CSMD1: variants seen among roughly 807,000 people sequenced by gnomAD.
The protein encoded by CSMD1 is CUB and sushi domain-containing protein 1.
Under a neutral mutation model 417.5 loss-of-function variants are expected in CSMD1, and 213 were observed. The observed-to-expected ratio is 0.51, with a 90% CI of 0.46 to 0.57. The LOEUF (loss-of-function observed/expected upper bound fraction) is 0.57, where lower values mean the gene tolerates loss of function less well. Ranked by LOEUF, CSMD1 falls within the 20% of genes least tolerant of loss-of-function variation. CSMD1 has a pLI of 0.00. For missense variants in CSMD1, 6,923 were observed against 4,529.7 expected, an observed-to-expected ratio of 1.53 and a Z score of -15.17; for synonymous variants, 2,862 against 1,736.8, an observed-to-expected ratio of 1.65 and a Z score of -16.11.
intron 36 of CSMD1, among the ~76,000 whole-genome samples, chr8:3,185,192 T>C (rs1209041811): frequency 3.3e-5 from 5 of 152,230 alleles, no homozygotes; most frequent in Non-Finnish European, 1.5e-5. Context: ...AAGCATGAAG[T>C]GCACGAACTC....
rs529470803 is a variant in CSMD1, at chr8:3,273,209, G to A, written c.4153+10935C>T. ...GATAATCATGTGGTTTTTGTCTTTG[G>A]TTCTGTTTATATGCTGGATTACATT... On this transcript the variant is annotated intron_variant, in intron 26 of 69. Transcript: ENST00000635120. 2.7e-3 allele frequency among the ~76,000 whole-genome samples: 407 copies of A among 150,746 alleles called. 3 individuals are homozygous for A. Among genetic ancestry groups the A allele is most frequent in the African/African-American group, 9.6e-3 (392 of 40,766 alleles).
chr8:4,190,594 A>G (rs1584991200), intron 3 of CSMD1, among the ~76,000 whole-genome samples: 1 of 151,482 alleles, frequency 6.6e-6, no homozygotes, highest in East Asian at 1.9e-4. Context: ...CCATGTTTAT[A>G]ACGATGTGGA....
chr8:3,013,992 T>G (rs1383908779), intron 52 of CSMD1, among the ~76,000 whole-genome samples: 1 of 152,162 alleles, frequency 6.6e-6, no homozygotes, highest in African/African-American at 2.4e-5. Flanking sequence ...TCCCAAGTTC[T>G]CTGCCTCTAC....
In CSMD1 at chr8:4,352,931, G is replaced by C. The variant is rs1048959216; in HGVS notation, c.415+67022C>G. On this transcript the variant is annotated intron_variant, in intron 3 of 69. Coordinates refer to ENST00000635120, the MANE Select transcript of CSMD1 (RefSeq NM_033225.6). Reference sequence around the variant, plus strand: ...AAAGATTTAGGCAAAATATTTATAAGTAAATACGAGCTTGTAGGGCTAATT... The same window carrying C: ...AAAGATTTAGGCAAAATATTTATAACTAAATACGAGCTTGTAGGGCTAATT... 5.3e-5 allele frequency among the ~76,000 whole-genome samples: 8 copies of C among 152,182 alleles called. No homozygotes were observed. The East Asian group carries it at 1.5e-3, about 29-fold the overall frequency.
chr8:3,101,953 C>T (rs959286760), intron 46 of CSMD1, among the ~76,000 whole-genome samples: 73 of 151,992 alleles, frequency 4.8e-4, no homozygotes, highest in Middle Eastern at 3.2e-3. Context: ...AGATGTCTGC[C>T]ACCACATCTG....
intron 8 of CSMD1, among the ~76,000 whole-genome samples, chr8:3,587,121 C>G (rs1156557289): frequency 6.6e-6 from 1 of 152,212 alleles, no homozygotes; most frequent in East Asian, 1.9e-4. Context: ...GAAAGCAATC[C>G]ATCCAGCCTG....
intron 5 of CSMD1, among the ~76,000 whole-genome samples, chr8:3,786,668 C>T (rs1341248374): frequency 2.0e-5 from 3 of 152,166 alleles, no homozygotes; most frequent in African/African-American, 2.4e-5. Flanking sequence ...TAAAATACTA[C>T]AGACTTTGTG....
chr8:3,860,857 A>T (rs1415317593), intron 5 of CSMD1, among the ~76,000 whole-genome samples: 1 of 152,242 alleles, frequency 6.6e-6, no homozygotes, highest in Non-Finnish European at 1.5e-5. Flanking sequence ...TACAATCATG[A>T]AAAGATCCAA....
chr8:3,418,748 A>G (rs990727265), intron 12 of CSMD1, among the ~76,000 whole-genome samples: 1 of 152,168 alleles, frequency 6.6e-6, no homozygotes, highest in African/African-American at 2.4e-5. Flanking sequence ...CAAATTGGTG[A>G]TCATGCAGAC....
At chr8:4,060,709 G>C (rs1475485477) in intron 3 of CSMD1, among the ~76,000 whole-genome samples, 1 of 152,068 alleles carries the variant, frequency 6.6e-6, no homozygotes, top group Admixed American at 6.5e-5. Context: ...TCCTCCACAT[G>C]GGAATTTTAA....
At chr8:4,671,874 A>C (rs571093060) in intron 1 of CSMD1, among the ~76,000 whole-genome samples, 1 of 152,202 alleles carries the variant, frequency 6.6e-6, no homozygotes, top group South Asian at 2.1e-4. Context: ...TTATCTTAAA[A>C]ACGAGAAGAT....
chr8:3,799,301 G>A (rs920987547), intron 5 of CSMD1, among the ~76,000 whole-genome samples: 1 of 151,140 alleles, frequency 6.6e-6, no homozygotes, highest in African/African-American at 2.4e-5. Context: ...CAATGTGCAG[G>A]TTTGTTACAT....
chr8:4,619,822 T>C (rs1050972574), intron 2 of CSMD1, among the ~76,000 whole-genome samples: 1 of 152,098 alleles, frequency 6.6e-6, no homozygotes, highest in African/African-American at 2.4e-5. Context: ...GTTGAAATAA[T>C]ATGTTTTGTT....
At chr8:3,963,028 C>G (rs940513910) in intron 5 of CSMD1, among the ~76,000 whole-genome samples, 3 of 152,070 alleles carry the variant, frequency 2.0e-5, no homozygotes, top group Admixed American at 6.6e-5. Context: ...CCTCTGCCTC[C>G]GAGGTTCAAG....
At chr8:3,926,541 T>A (rs1211374404) in intron 5 of CSMD1, among the ~76,000 whole-genome samples, 1 of 151,922 alleles carries the variant, frequency 6.6e-6, no homozygotes, top group African/African-American at 2.4e-5. Flanking sequence ...CAAATAATTG[T>A]TTCTTTTTTG....
chr8:4,107,105 G>A (rs1343752491), intron 3 of CSMD1, among the ~76,000 whole-genome samples: 5 of 152,126 alleles, frequency 3.3e-5, no homozygotes, highest in Non-Finnish European at 5.9e-5. Flanking sequence ...AATGACGACA[G>A]AAATGAGGAC....
chr8:3,740,172 C>T (rs920131112), intron 6 of CSMD1, among the ~76,000 whole-genome samples: 3 of 152,138 alleles, frequency 2.0e-5, no homozygotes, highest in Non-Finnish European at 4.4e-5. Flanking sequence ...ATAGCATGAT[C>T]TTGGCTCACT....
intron 7 of CSMD1, among the ~76,000 whole-genome samples, chr8:3,636,297 C>T (rs889501092): frequency 1.2e-4 from 19 of 152,178 alleles, no homozygotes. Flanking sequence ...CTGCCTGAGG[C>T]TGTTGTACAG....
At chr8:3,495,894 A>T (rs2117315348) in intron 10 of CSMD1, among the ~76,000 whole-genome samples, 1 of 152,128 alleles carries the variant, frequency 6.6e-6, no homozygotes, top group East Asian at 1.9e-4. Flanking sequence ...TTCTTTTTTT[A>T]CATATAATTA....
Sources: gnomAD v4.1 joint callset for allele counts (sites outside exome capture counted in the v4.1 genomes callset) on GRCh38, gnomAD v4.1.1 for gene constraint, MANE v1.5 for transcripts, NCBI Gene and HGNC (gene_info 2026-07-23, HGNC 2026-07-21) for gene names.